Variants in MIR2052HG observed in about 807,000 individuals in gnomAD.
MIR2052HG encodes the protein MIR2052 host gene.
At chr8:74,639,638 A>G (rs2128735141) in intron 2 of MIR2052HG, among the ~76,000 whole-genome samples, 1 of 152,304 alleles carries the variant, frequency 6.6e-6, no homozygotes, top group Middle Eastern at 3.4e-3. Flanking sequence ...AGCCCATGAT[A>G]TATATGAAAC....
At chr8:74,733,158 G>A (rs916363402) in intron 4 of MIR2052HG, among the ~76,000 whole-genome samples, 1 of 151,832 alleles carries the variant, frequency 6.6e-6, no homozygotes, top group African/African-American at 2.4e-5. Context: ...GTATACATGT[G>A]CCATGCTGGT....
chr8:74,684,913 T>C (rs1284592464), intron 2 of MIR2052HG, among the ~76,000 whole-genome samples: 1 of 152,120 alleles, frequency 6.6e-6, no homozygotes, highest in Non-Finnish European at 1.5e-5. Flanking sequence ...GTCTAATGAA[T>C]GACAATGGAG....
chr8:74,704,626 A>G (rs1167264748), intron 4 of MIR2052HG, among the ~76,000 whole-genome samples: 3 of 152,044 alleles, frequency 2.0e-5, no homozygotes, highest in Non-Finnish European at 4.4e-5. Flanking sequence ...CAGGATCCCA[A>G]AGTGGGGATA....
chr8:74,679,423 T>C (rs909024324), intron 2 of MIR2052HG, among the ~76,000 whole-genome samples: 1 of 152,062 alleles, frequency 6.6e-6, no homozygotes, highest in Non-Finnish European at 1.5e-5. Context: ...GTGCCATTAT[T>C]TCATTCCTTT....
chr8:74,723,543 GAGGAAGGT>G (rs1809601327), intron 4 of MIR2052HG, among the ~76,000 whole-genome samples: 1 of 151,434 alleles, frequency 6.6e-6, no homozygotes, highest in Admixed American at 6.6e-5. Context: ...TTTTTTCCAT[GAGGAAGGT>G]AGGGATGGGA....
At chr8:74,638,231 G>A (rs571994785) in intron 2 of MIR2052HG, among the ~76,000 whole-genome samples, 53 of 152,200 alleles carry the variant, frequency 3.5e-4, no homozygotes, top group African/African-American at 1.2e-3. Context: ...AAAGTGTGGA[G>A]CCTTCAAATC....
rs1411945196 is a variant in MIR2052HG at position 74,701,533 on chromosome 8, G to A, written n.217-846G>A. On this transcript the variant is annotated intron_variant and non_coding_transcript_variant, in intron 2 of 6. Coordinates refer to ENST00000523442, the Ensembl canonical transcript of MIR2052HG. ...GCTCCATAGAGGGTGTTTAGTTGGG[G>A]TGGCACCAATGGTGGCATCCTAACT... 3.9e-5 allele frequency among the ~76,000 whole-genome samples: 6 copies of A among 151,998 alleles called. No homozygotes were observed. The East Asian group carries it at 1.2e-3, about 29-fold the overall frequency.
intron 2 of MIR2052HG, among the ~76,000 whole-genome samples, chr8:74,699,720 C>G (rs1159994470): frequency 6.6e-6 from 1 of 152,004 alleles, no homozygotes; most frequent in African/African-American, 2.4e-5. Flanking sequence ...ATGATAATCT[C>G]ACGATAATCT....
intron 1 of MIR2052HG, among the ~76,000 whole-genome samples, chr8:74,602,845 C>CTTTCTTTCTTTCTTTCTTTCT (rs1563508591): frequency 7.1e-5 from 10 of 141,604 alleles, no homozygotes; most frequent in South Asian, 4.4e-4. Context: ...TTCTTTCTTT[C>CTTTCTTTCTTTCTTTCTTTCT]TTTCTTTCTT....
chr8:74,678,563 C>CAAA (rs763073114), intron 2 of MIR2052HG, among the ~76,000 whole-genome samples: 55 of 53,492 alleles, frequency 1.0e-3, no homozygotes, highest in African/African-American at 3.2e-3. Context: ...GAGTTTGTCT[C>CAAA]AAAAAAAAAA....
intron 4 of MIR2052HG, among the ~76,000 whole-genome samples, chr8:74,705,496 T>C (rs1025041949): frequency 6.6e-6 from 1 of 152,058 alleles, no homozygotes; most frequent in South Asian, 2.1e-4. Context: ...TTATGGCCTT[T>C]TGATGCCCCA....
At chr8:74,681,284 A>C (rs1809121774) in intron 2 of MIR2052HG, among the ~76,000 whole-genome samples, 1 of 152,130 alleles carries the variant, frequency 6.6e-6, no homozygotes, top group Admixed American at 6.6e-5. Context: ...ATACAATGCA[A>C]TTCCAGCAAA....
At chr8:74,721,353 C>A (rs1360232304) in intron 4 of MIR2052HG, among the ~76,000 whole-genome samples, 1 of 152,150 alleles carries the variant, frequency 6.6e-6, no homozygotes, top group Non-Finnish European at 1.5e-5. Context: ...ACAAATGACT[C>A]CAAGACTTAA....
chr8:74,603,576 C>T, intron 1 of MIR2052HG: 19 of 1,549,748 alleles, frequency 1.2e-5, no homozygotes, highest in Non-Finnish European at 1.7e-5. Context: ...TGCCATGCGT[C>T]ATGGGAAAAT....
At chr8:74,755,741 C>T (rs6989433) in intron 5 of MIR2052HG, among the ~76,000 whole-genome samples, 15,524 of 152,066 alleles carry the variant, frequency 0.1, 1,758 homozygotes, top group African/African-American at 0.28. Flanking sequence ...TTATGTTTGT[C>T]TGAGAACTCT....
intron 2 of MIR2052HG, among the ~76,000 whole-genome samples, chr8:74,695,608 G>A (rs894448994): frequency 1.3e-4 from 20 of 152,000 alleles, no homozygotes; most frequent in Non-Finnish European, 1.5e-5. Context: ...AGGTAAAGGG[G>A]CGGAAAATGT....
chr8:74,702,883 C>T (rs192148873), intron 3 of MIR2052HG, among the ~76,000 whole-genome samples: 23 of 152,096 alleles, frequency 1.5e-4, no homozygotes, highest in Admixed American at 1.4e-3. Flanking sequence ...TGATTGTGAT[C>T]GACTCACCTA....
intron 4 of MIR2052HG, among the ~76,000 whole-genome samples, chr8:74,747,828 T>C (rs1809902490): frequency 6.6e-6 from 1 of 152,216 alleles, no homozygotes; most frequent in African/African-American, 2.4e-5. Flanking sequence ...CTTTTCAATC[T>C]ATAATGTATC....
chr8:74,739,687 A>G (rs1563543909), intron 4 of MIR2052HG, among the ~76,000 whole-genome samples: 1 of 152,194 alleles, frequency 6.6e-6, no homozygotes, highest in Non-Finnish European at 1.5e-5. Flanking sequence ...GAAGGAATAC[A>G]TATGTGGGTT....
Sources: gnomAD v4.1 joint callset for allele counts (sites outside exome capture counted in the v4.1 genomes callset) on GRCh38, gnomAD v4.1.1 for gene constraint, MANE v1.5 for transcripts, NCBI Gene and HGNC (gene_info 2026-07-23, HGNC 2026-07-21) for gene names.